RGS3: variants seen among roughly 807,000 people sequenced by gnomAD.
The protein encoded by RGS3 is regulator of G-protein signalling 3.
Under a neutral mutation model 132.6 loss-of-function variants are expected in RGS3, and 80 were observed. The ratio of observed to expected loss-of-function variants is 0.60; its 90% CI spans 0.50 to 0.73. RGS3 has a LOEUF of 0.73. RGS3 is among the 30% of genes least tolerant of loss of function. RGS3 has a pLI of 0.00. For synonymous variants in RGS3, 598 were observed against 620.6 expected, an observed-to-expected ratio of 0.96 and a Z score of 0.54; for missense variants, 1,382 against 1,530.8, an observed-to-expected ratio of 0.90 and a Z score of 1.62.
intron 19 of RGS3, among the ~76,000 whole-genome samples, chr9:113,543,446 C>G (rs576508423): frequency 1.1e-3 from 169 of 152,350 alleles, no homozygotes; most frequent in African/African-American, 3.8e-3. Flanking sequence ...TGCCCCCCAC[C>G]CAGCAAGGGA....
At position 113,595,092 on chromosome 9, in the gene RGS3, G is replaced by A. The variant is rs548943962; in HGVS notation, c.3244+112G>A. On this transcript the variant is annotated intron_variant, in intron 23 of 24. Coordinates refer to ENST00000350696, the Ensembl canonical transcript of RGS3. Reference sequence around the variant, plus strand: ...GAGGCCGCCTTCCCTCTCCTCGGCCGTCAGGGTGTCCTTGCTGTTGCGGAG... The same window carrying A: ...GAGGCCGCCTTCCCTCTCCTCGGCCATCAGGGTGTCCTTGCTGTTGCGGAG... 25 of 1,007,700 alleles carry A rather than the reference G, an allele frequency of 2.5e-5. 1 individual carries two copies. Among genetic ancestry groups the A allele is most frequent in the South Asian group, 4.3e-5 (3 of 70,464 alleles). 62.4% of individuals were successfully genotyped at this position (1,007,700 alleles called of 1,614,324 possible).
At chr9:113,543,897 G>T (rs1291672806) in intron 19 of RGS3, among the ~76,000 whole-genome samples, 2 of 152,198 alleles carry the variant, frequency 1.3e-5, no homozygotes, top group African/African-American at 4.8e-5. Context: ...AGTGACTGTG[G>T]TGAGCCACAG....
At chr9:113,452,416 G>GTT (rs371128451) in intron 1 of RGS3, among the ~76,000 whole-genome samples, 12 of 139,776 alleles carry the variant, frequency 8.6e-5, no homozygotes, top group Non-Finnish European at 1.1e-4. Context: ...GTAATGTGTA[G>GTT]TTTTTTTTTT....
At chr9:113,544,752 C>T (rs1833040111) in intron 19 of RGS3, among the ~76,000 whole-genome samples, 2 of 152,228 alleles carry the variant, frequency 1.3e-5, no homozygotes, top group African/African-American at 4.8e-5. Flanking sequence ...CTAGGTCACA[C>T]AGCTGGTAAG....
chr9:113,552,548 G>T (rs2118752581), intron 19 of RGS3, among the ~76,000 whole-genome samples: 1 of 152,226 alleles, frequency 6.6e-6, no homozygotes, highest in Admixed American at 6.5e-5. Flanking sequence ...TCCATCTCCT[G>T]ACCTCGTAAT....
In RGS3 at chr9:113,501,570, C is replaced by T. The variant is rs760722784; in HGVS notation, c.897+3490C>T. On this transcript the variant is annotated intron_variant, in intron 10 of 24. Coordinates refer to ENST00000350696, the Ensembl canonical transcript of RGS3. ...ATGGGGCGGCAGCCGAGGCAGGACC[C>T]GCAGCCATGAACCGCTTCAATGGGC... 3.1e-5 allele frequency: 48 copies of T among 1,548,544 alleles called. 2 individuals are homozygous for T. The highest frequency in any genetic ancestry group is 1.9e-4 in the East Asian group (8 of 42,702).
chr9:113,523,444 G>T (rs1188855510), intron 17 of RGS3, among the ~76,000 whole-genome samples: 3 of 152,120 alleles, frequency 2.0e-5, no homozygotes, highest in African/African-American at 4.8e-5. Flanking sequence ...TTGCTGTGAA[G>T]ATTAAGCTAG....
intron 1 of RGS3, among the ~76,000 whole-genome samples, chr9:113,446,894 T>G (rs981019622): frequency 6.6e-6 from 1 of 152,106 alleles, no homozygotes; most frequent in Non-Finnish European, 1.5e-5. Context: ...GGCAGAAATA[T>G]CAAAAGTGAT....
intron 19 of RGS3, among the ~76,000 whole-genome samples, chr9:113,566,094 G>C (rs1276584435): frequency 6.6e-6 from 1 of 152,172 alleles, no homozygotes; most frequent in Non-Finnish European, 1.5e-5. Context: ...CAGCCAGCAG[G>C]GTTGGCTATT....
At chr9:113,550,771 C>T (rs945627616) in intron 19 of RGS3, among the ~76,000 whole-genome samples, 5 of 152,140 alleles carry the variant, frequency 3.3e-5, no homozygotes, top group African/African-American at 1.2e-4. Context: ...TGTGTTGCCT[C>T]TTTTGGGAAT....
chr9:113,567,234 C>G (rs1221908775), intron 19 of RGS3, among the ~76,000 whole-genome samples: 1 of 151,824 alleles, frequency 6.6e-6, no homozygotes, highest in East Asian at 1.9e-4. Flanking sequence ...CCTCCCCTCC[C>G]CTCCCCTCCC....
intron 1 of RGS3, among the ~76,000 whole-genome samples, chr9:113,446,857 G>A (rs1002505158): frequency 6.6e-6 from 1 of 152,180 alleles, no homozygotes; most frequent in African/African-American, 2.4e-5. Context: ...CAGTTGGGCA[G>A]AGACTCAGGA....
At chr9:113,503,634 T>C (rs747799435) in intron 10 of RGS3, among the ~76,000 whole-genome samples, 7 of 152,170 alleles carry the variant, frequency 4.6e-5, no homozygotes, top group Non-Finnish European at 7.3e-5. Context: ...GCCCCATAAC[T>C]GGCCATCCAG....
At chr9:113,462,169 A>G (rs1400585051) in exon 3 of RGS3, 1 of 1,614,026 alleles carries the variant, frequency 6.2e-7, no homozygotes, top group Non-Finnish European at 8.5e-7. Flanking sequence ...CCAGCCAGGA[A>G]GAGGATCACG....
intron 1 of RGS3, among the ~76,000 whole-genome samples, chr9:113,452,501 T>C (rs1040951082): frequency 2.6e-5 from 4 of 152,082 alleles, no homozygotes; most frequent in African/African-American, 9.7e-5. Flanking sequence ...TTTAGGTTTC[T>C]TCACGTTTCT....
intron 10 of RGS3, among the ~76,000 whole-genome samples, chr9:113,499,532 C>T (rs990527756): frequency 2.6e-5 from 4 of 152,240 alleles, no homozygotes; most frequent in African/African-American, 9.6e-5. Flanking sequence ...TAGTATTTTA[C>T]GTATTACACA....
rs1320046264 is a variant in RGS3 at position 113,506,059 on chromosome 9, C to T, written c.980-329C>T. On this transcript the variant is annotated intron_variant, in intron 11 of 24. Transcript: ENST00000350696. This position sits in a 1 kb window ranked among gnomAD's most constrained non-coding sequence, Gnocchi z 4.7. The stretch of plus-strand genomic sequence containing the variant: ...GAAGGAATAAATGTAGTGTGGGAGC[C>T]TGGCCCCAGGGAAGGTTCTCAATGG... Among the ~76,000 whole-genome samples the T allele has an allele frequency of 6.6e-6, 1 of 152,086 alleles. No homozygotes were observed. Among genetic ancestry groups the T allele is most frequent in the African/African-American group, 2.4e-5 (1 of 41,400 alleles).
chr9:113,532,741 C>T (rs895784051), intron 18 of RGS3, among the ~76,000 whole-genome samples: 1 of 152,166 alleles, frequency 6.6e-6, no homozygotes, highest in African/African-American at 2.4e-5. Flanking sequence ...GAGGGGGCTG[C>T]CTCAGTATTG....
chr9:113,539,105 C>A (rs1407082671), intron 19 of RGS3, among the ~76,000 whole-genome samples: 1 of 152,230 alleles, frequency 6.6e-6, no homozygotes, highest in Non-Finnish European at 1.5e-5. Context: ...CTTTAGCAAC[C>A]TCACTGACAG....
Sources: allele counts gnomAD v4.1 joint callset (sites outside exome capture counted in the v4.1 genomes callset), GRCh38; gene constraint gnomAD v4.1.1; non-coding constraint Gnocchi (gnomAD v3.1); transcripts MANE v1.5; gene names NCBI Gene and HGNC (gene_info 2026-07-23, HGNC 2026-07-21).